Variants in FMO3 observed in about 807,000 individuals in gnomAD.
The protein encoded by FMO3 is flavin-containing monooxygenase 3.
In FMO3, 40 loss-of-function variants were observed where a neutral mutation model predicts 39.4. That is an observed-to-expected ratio of 1.02 (90% CI 0.79 to 1.32). The LOEUF is 1.32. Ranked by LOEUF, FMO3 falls within the 40% of genes most tolerant of loss-of-function variation. The probability of loss-of-function intolerance (pLI) is 0.00; values close to 1 mark genes in which losing one functional copy is unlikely to be tolerated. For synonymous variants in FMO3, 219 were observed against 228.8 expected (o/e 0.96, Z 0.39); for missense variants, 680 against 651.8 (o/e 1.04, Z -0.47).
chr1:171,093,856 T>C (rs1417886357), intron 2 of FMO3, among the ~76,000 whole-genome samples: 1 of 114,126 alleles, frequency 8.8e-6, no homozygotes, highest in Admixed American at 9.0e-5. Context: ...TTTTTTTGAG[T>C]GGGAGTCTCA....
In FMO3 at chr1:171,116,273, C is replaced by T. The variant is rs149551557; in HGVS notation, c.1249C>T (p.Arg417Cys). 249 of 1,571,908 alleles carry T rather than the reference C, an allele frequency of 1.6e-4. 2 individuals carry two copies. Among genetic ancestry groups the T allele is most frequent in the South Asian group, 1.4e-3 (128 of 89,954 alleles). ...TATTAATGAGAAAATGGAGAAAAAG[C>T]GCAAATGGTAAGAGTACCTATTGTA... is the stretch of plus-strand genomic sequence containing the variant. Reference protein sequence around the residue: ...NDINEKMEKKRKWFGKSETIQ... With the variant: ...NDINEKMEKKCKWFGKSETIQ... The change falls in exon 8 of 9, where the codon CGC (arginine) becomes TGC (cysteine). Residue 417 changes from arginine (R) to cysteine (C), a missense_variant. Physicochemically the swap from Arg to Cys is radical, Grantham distance 180. Transcript: ENST00000367755.
chr1:171,113,134 A>G (rs1236855520), intron 6 of FMO3, among the ~76,000 whole-genome samples: 1 of 151,630 alleles, frequency 6.6e-6, no homozygotes, highest in Non-Finnish European at 1.5e-5. Context: ...TGCCTGTAGC[A>G]CTCTCTCACA....
chr1:171,103,756 C>T (rs776192998), intron 2 of FMO3, 29 bp from the exon 3 acceptor site: 29 of 1,563,482 alleles, frequency 1.9e-5, no homozygotes, highest in African/African-American at 2.7e-5. Context: ...TTTACCAATT[C>T]GCTTCCATTT....
intron 2 of FMO3, among the ~76,000 whole-genome samples, chr1:171,096,169 A>C (rs1439960610): frequency 1.4e-5 from 1 of 70,798 alleles, no homozygotes; most frequent in African/African-American, 6.5e-5. Flanking sequence ...AATATATATA[A>C]TTATATATAA....
chr1:171,103,765 T>C lies in FMO3; in HGVS notation c.133-20T>C, dbSNP rs1655514308. ...TACTCATTTACCAATTCGCTTCCAT[T>C]TGATACTATACATTCACAGGACCAT... On this transcript the variant is annotated intron_variant, in intron 2 of 8. Coordinates refer to ENST00000367755, the MANE Select transcript of FMO3 (RefSeq NM_001002294.3). 6.2e-7 allele frequency: 1 copy of C among 1,602,444 alleles called. No homozygotes were observed. The highest frequency in any genetic ancestry group is 8.6e-7 in the Non-Finnish European group (1 of 1,169,470).
At chr1:171,098,878 A>G (rs938146791) in intron 2 of FMO3, among the ~76,000 whole-genome samples, 2 of 152,174 alleles carry the variant, frequency 1.3e-5, no homozygotes, top group Admixed American at 1.3e-4. Context: ...CAGTTTTCAG[A>G]GGGAATGCCT....
intron 4 of FMO3, 104 bp downstream of exon 4, chr1:171,107,941 C>T: frequency 7.3e-7 from 1 of 1,373,004 alleles, no homozygotes; most frequent in Non-Finnish European, 1.0e-6. Context: ...TTAAAATATA[C>T]TTCTGTTATA....
Position 171,117,724 on chromosome 1 carries a change from G to A in FMO3, c.*282G>A. Reference sequence around the variant, plus strand: ...TTATATCTAACTTAAATCATTTCCTGAAACATTTTGACATGATTCCTTTTT... The same window carrying A: ...TTATATCTAACTTAAATCATTTCCTAAAACATTTTGACATGATTCCTTTTT... On this transcript the variant is annotated 3_prime_UTR_variant, in exon 9 of 9. Transcript: ENST00000367755. 1 of 292,642 alleles carries A rather than the reference G, an allele frequency of 3.4e-6. No homozygotes were observed. 18.1% of individuals were successfully genotyped at this position (292,642 alleles called of 1,614,324 possible). A position where few individuals can be genotyped will look rare whatever the true frequency, so the allele number is the denominator to read the frequency against.
chr1:171,116,151 C>A, intron 7 of FMO3, 57 bp from the exon 8 acceptor site: 2 of 1,049,722 alleles, frequency 1.9e-6, no homozygotes, highest in Non-Finnish European at 3.0e-6. Flanking sequence ...GGGAAAATTA[C>A]AGGCTGGTCC....
rs779808827 is a variant in FMO3, at chr1:171,107,765, G to T, written c.412G>T (p.Ala138Ser). 2.5e-6 allele frequency: 4 copies of T among 1,613,784 alleles called. No homozygotes were observed. The Admixed American group carries it at 5.0e-5, about 20-fold the overall frequency. Reference protein sequence around the residue: ...TTERDGKKESAVFDAVMVCSG... With the variant: ...TTERDGKKESSVFDAVMVCSG... ...TGAAAGGGATGGTAAAAAAGAATCG[G>T]CTGTCTTTGATGCTGTAATGGTTTG... Residue 138 changes from alanine to serine, a missense_variant, in exon 4 of 9, where the codon GCT becomes TCT. By Grantham distance (99) the Ala-to-Ser change is moderately conservative (BLOSUM62 1). Transcript: ENST00000367755.
chr1:171,101,035 G>T (rs74319242), intron 2 of FMO3: 22,938 of 447,332 alleles, frequency 0.051, 745 homozygotes, highest in Non-Finnish European at 0.068. Context: ...TCAACAGAAA[G>T]AGAGAAATTT....
chr1:171,091,690 G>A (rs879799682), intron 1 of FMO3, among the ~76,000 whole-genome samples: 1 of 151,676 alleles, frequency 6.6e-6, no homozygotes, highest in Non-Finnish European at 1.5e-5. Context: ...CTGGGCTCAA[G>A]CGATACCCCA....
rs969696261 is a variant in FMO3 at position 171,117,557 on chromosome 1, T to C, written c.*115T>C. 1.1e-5 allele frequency: 8 copies of C among 743,218 alleles called. No homozygotes were observed. In the Admixed American group the frequency reaches 1.8e-4, roughly 16 times the overall value. 46.0% of individuals were successfully genotyped at this position (743,218 alleles called of 1,614,324 possible). A position where few individuals can be genotyped will look rare whatever the true frequency, so the allele number is the denominator to read the frequency against. ...CTTTTCTATTCAGCATCTTTTGCAGTACTCTGTAGACATTAGTCAGTAATA... is the reference window on the plus strand; with the variant it reads ...CTTTTCTATTCAGCATCTTTTGCAGCACTCTGTAGACATTAGTCAGTAATA... On this transcript the variant is annotated 3_prime_UTR_variant, in exon 9 of 9. Coordinates refer to ENST00000367755, the MANE Select transcript of FMO3 (RefSeq NM_001002294.3).
intron 5 of FMO3, among the ~76,000 whole-genome samples, chr1:171,110,323 C>G (rs1288068447): frequency 6.6e-6 from 1 of 152,122 alleles, no homozygotes; most frequent in Admixed American, 6.5e-5. Flanking sequence ...GAAAACGTGA[C>G]TAGAATTCAG....
chr1:171,107,747 G>T lies in FMO3; in HGVS notation c.394G>T (p.Asp132Tyr), dbSNP rs12072582. ...TGQWDVTTER[D>Y]GKKESAVFDA... The stretch of plus-strand genomic sequence containing the variant: ...CCAGTGGGATGTTACCACTGAAAGG[G>T]ATGGTAAAAAAGAATCGGCTGTCTT... The change falls in exon 4 of 9, where the codon GAT (aspartate) becomes TAT (tyrosine). Residue 132 changes from aspartate (D) to tyrosine (Y), a missense_variant. Physicochemically the swap from Asp to Tyr is radical, Grantham distance 160. Transcript: ENST00000367755. 2 of 1,613,430 alleles carry T rather than the reference G, an allele frequency of 1.2e-6. No homozygotes were observed. The highest frequency in any genetic ancestry group is 3.3e-5 in the Admixed American group (2 of 59,986).
rs1249481221 is a variant in FMO3, at chr1:171,117,188, T to A, written c.1345T>A (p.Trp449Arg). 1 of 1,614,088 alleles carries A rather than the reference T, an allele frequency of 6.2e-7. No individual in the cohort carries two copies. The change falls in exon 9 of 9, where the codon TGG becomes AGG. Residue 449 changes from tryptophan to arginine, a missense_variant. By Grantham distance (101) the Trp-to-Arg change is moderately radical. Transcript: ENST00000367755. ...SFIGAKPNIPWLFLTDPKLAM... is the reference protein window; with the variant it reads ...SFIGAKPNIPRLFLTDPKLAM... Reference sequence around the variant, plus strand: ...CATTGGGGCAAAGCCCAACATCCCATGGCTGTTTCTCACAGATCCCAAATT... The same window carrying A: ...CATTGGGGCAAAGCCCAACATCCCAAGGCTGTTTCTCACAGATCCCAAATT...
rs77498612 is a variant in FMO3 at position 171,114,869 on chromosome 1, A to T, written c.1183+507A>T. Among the ~76,000 whole-genome samples, 3 of 152,248 alleles carry T rather than the reference A, an allele frequency of 2.0e-5. No homozygotes were observed. The East Asian group carries it at 5.8e-4, about 29-fold the overall frequency. On this transcript the variant is annotated intron_variant, in intron 7 of 8. Coordinates refer to ENST00000367755, the MANE Select transcript of FMO3 (RefSeq NM_001002294.3). The stretch of plus-strand genomic sequence containing the variant: ...AAAAAAGGACAAACAGTGGATCAAC[A>T]GAGGCAGAAAGTGCTAAGAACAAAC...
At position 171,105,981 on chromosome 1, in the gene FMO3, CT is replaced by C. The variant is rs1170485499; in HGVS notation, c.322-1693del. Among the ~76,000 whole-genome samples, 7 of 150,536 alleles carry C rather than the reference CT, an allele frequency of 4.7e-5. No homozygotes were observed. In the East Asian group the frequency reaches 1.4e-3, roughly 30 times the overall value. On this transcript the variant is annotated intron_variant, in intron 3 of 8. Coordinates refer to ENST00000367755, the MANE Select transcript of FMO3 (RefSeq NM_001002294.3). Reference sequence around the variant, plus strand: ...CCACTAGTCACAAAACTGAGATGTGCTATAAGTATAAAATATACAAAAACTT... The same window carrying C: ...CCACTAGTCACAAAACTGAGATGTGCATAAGTATAAAATATACAAAAACTT...
chr1:171,114,693 T>C (rs1656066949), intron 7 of FMO3, among the ~76,000 whole-genome samples: 2 of 152,190 alleles, frequency 1.3e-5, no homozygotes, highest in South Asian at 4.1e-4. Context: ...AAAATTATGA[T>C]TGCAAAACTC....
Sources: allele counts gnomAD v4.1 joint callset (sites outside exome capture counted in the v4.1 genomes callset), GRCh38; gene constraint gnomAD v4.1.1; transcripts MANE v1.5; gene names NCBI Gene and HGNC (gene_info 2026-07-23, HGNC 2026-07-21).